Variants in TRMT6 observed in about 807,000 individuals in gnomAD.
TRMT6 encodes the protein tRNA methyltransferase 6 non-catalytic subunit, also known as tRNA (adenine(58)-N(1))-methyltransferase non-catalytic subunit TRM6.
Under a neutral mutation model 59.0 loss-of-function variants are expected in TRMT6, and 34 were observed. The observed-to-expected ratio is 0.58, with a 90% CI of 0.44 to 0.77. The LOEUF (loss-of-function observed/expected upper bound fraction) is 0.77, where lower values mean the gene tolerates loss of function less well. TRMT6 is among the 30% of genes least tolerant of loss of function. The pLI, the probability that TRMT6 is intolerant of heterozygous loss-of-function variation, is 0.00. For missense variants in TRMT6, 575 were observed against 604.5 expected, an observed-to-expected ratio of 0.95 and a Z score of 0.51; for synonymous variants, 217 against 210.5, an observed-to-expected ratio of 1.03 and a Z score of -0.27.
chr20:5,943,590 C>A lies in TRMT6; in HGVS notation c.636G>T (p.Leu212Phe), dbSNP rs374021357. The A allele has an allele frequency of 6.2e-7, 1 of 1,614,090 alleles. No homozygotes were observed. Among genetic ancestry groups the A allele is most frequent in the African/African-American group, 1.3e-5 (1 of 74,920 alleles). The part of the protein sequence containing the change: ...KMIVMETCAG[L>F]VLGAMMERMG... ...TTCGTTCCATCATTGCACCCAGCAC[C>A]AAGCCTGCACACGTTTCCATCACAA... Residue 212 changes from leucine to phenylalanine, a missense_variant, in exon 6 of 11, where the codon TTG becomes TTT. Leu to Phe is a conservative substitution (Grantham distance 22, BLOSUM62 0). Coordinates refer to ENST00000203001, the MANE Select transcript of TRMT6 (RefSeq NM_015939.5).
At position 5,940,911 on chromosome 20, in the gene TRMT6, T is replaced by C. The variant is rs911468619; in HGVS notation, c.1302+142A>G. 12 of 693,464 alleles carry C rather than the reference T, an allele frequency of 1.7e-5. No homozygotes were observed. The African/African-American group carries it at 2.1e-4, about 12-fold the overall frequency. 43.0% of individuals were successfully genotyped at this position (693,464 alleles called of 1,614,324 possible). The stretch of plus-strand genomic sequence containing the variant: ...CCTGGGCTCAAGCGATCTGCCTGCC[T>C]TGGCCTCCCAAAGTGCTGGGATTAC... On this transcript the variant is annotated intron_variant, in intron 10 of 10. Transcript: ENST00000203001.
chr20:5,943,709 A>AT, intron 5 of TRMT6, 26 bp from the exon 6 acceptor site: 1 of 1,604,600 alleles, frequency 6.2e-7, no homozygotes, highest in Non-Finnish European at 8.5e-7. Flanking sequence ...TAATTTGTTC[A>AT]TTTTTAGCTA....
intron 10 of TRMT6, among the ~76,000 whole-genome samples, chr20:5,939,358 G>A (rs1465943698): frequency 6.6e-6 from 1 of 151,980 alleles, no homozygotes; most frequent in Admixed American, 6.5e-5. Context: ...GCACACAGCT[G>A]TAATGCCAGC....
intron 10 of TRMT6, among the ~76,000 whole-genome samples, chr20:5,939,029 C>T (rs567981427): frequency 6.6e-6 from 1 of 151,982 alleles, no homozygotes; most frequent in East Asian, 1.9e-4. Context: ...CCTCGAACTC[C>T]TGGCCTCAAG....
chr20:5,942,358 C>T (rs1568558393), intron 7 of TRMT6, 70 bp downstream of exon 7: 3 of 1,388,914 alleles, frequency 2.2e-6, no homozygotes, highest in South Asian at 2.3e-5. Context: ...CAAACTAAAT[C>T]TCATGACTTA....
chr20:5,948,851 T>C (rs1252237451), intron 1 of TRMT6, among the ~76,000 whole-genome samples: 1 of 152,226 alleles, frequency 6.6e-6, no homozygotes, highest in Non-Finnish European at 1.5e-5. Flanking sequence ...AGCTTAGTGC[T>C]CTGGAGACTT....
rs1242907115 is a variant in TRMT6 at position 5,941,939 on chromosome 20, C to T, written c.1112+12G>A. 1 of 1,610,336 alleles carries T rather than the reference C, an allele frequency of 6.2e-7. No individual in the cohort carries two copies. ...GCACTGAGGAGTCTCCTGCCTTCTT[C>T]CATCAACGCACCCATCTGCGTTTCT... On this transcript the variant is annotated intron_variant, in intron 8 of 10. Transcript: ENST00000203001.
At position 5,943,674 on chromosome 20, in the gene TRMT6, T is replaced by C; in HGVS notation, c.552A>G (p.Arg184=). ...AREPGKINHM[R]YDTLAQMLTL... is the part of the protein sequence containing the mutation. ...TCAACATCTGGGCTAGTGTATCGTATCTCATGTGGCTAAAGTAAAAACAAT... is the reference window on the plus strand; with the variant it reads ...TCAACATCTGGGCTAGTGTATCGTACCTCATGTGGCTAAAGTAAAAACAAT... Residue 184 remains arginine (R), a synonymous_variant, in exon 6 of 11, where the codon AGA becomes AGG. Coordinates refer to ENST00000203001, the MANE Select transcript of TRMT6 (RefSeq NM_015939.5). The C allele has an allele frequency of 6.2e-7, 1 of 1,613,646 alleles. No homozygotes were observed. The highest frequency in any genetic ancestry group is 1.1e-5 in the South Asian group (1 of 90,894).
At position 5,937,606 on chromosome 20, in the gene TRMT6, T is replaced by C. The variant is rs1227925552; in HGVS notation, c.*929A>G. 6.6e-6 allele frequency: 1 copy of C among 152,234 alleles called. No homozygotes were observed. Among genetic ancestry groups the C allele is most frequent in the African/African-American group, 2.4e-5 (1 of 41,472 alleles). 9.4% of individuals were successfully genotyped at this position (152,234 alleles called of 1,614,324 possible). A position where few individuals can be genotyped will look rare whatever the true frequency, so the allele number is the denominator to read the frequency against. ...TTGACAAGGAATGACACTAATACAA[T>C]GAGAATTGGTCTAAGTCCTGCACAA... On this transcript the variant is annotated 3_prime_UTR_variant, in exon 11 of 11. Transcript: ENST00000203001.
intron 1 of TRMT6, among the ~76,000 whole-genome samples, chr20:5,947,460 G>A (rs545861638): frequency 6.6e-5 from 10 of 152,312 alleles, no homozygotes; most frequent in South Asian, 4.1e-4. Context: ...CCGTGTCAGA[G>A]GCTTACCACC....
rs764471292 is a variant in TRMT6 at position 5,943,671 on chromosome 20, G to A, written c.555C>T (p.Tyr185=). The A allele has an allele frequency of 8.1e-6, 13 of 1,613,596 alleles. No homozygotes were observed. The highest frequency in any genetic ancestry group is 5.3e-5 in the African/African-American group (4 of 74,872). ...REPGKINHMR[Y]DTLAQMLTLG... is the part of the protein sequence containing the mutation. ...ACGTCAACATCTGGGCTAGTGTATC[G>A]TATCTCATGTGGCTAAAGTAAAAAC... The change falls in exon 6 of 11, where the codon TAC becomes TAT. Residue 185 remains tyrosine, a synonymous_variant. Transcript: ENST00000203001.
intron 10 of TRMT6, among the ~76,000 whole-genome samples, chr20:5,940,710 CA>C (rs1171810797): frequency 6.6e-6 from 1 of 151,968 alleles, no homozygotes; most frequent in African/African-American, 2.4e-5. Context: ...CCTCGACCTC[CA>C]GGGTTCAAGC....
At chr20:5,947,159 C>T (rs990398728) in intron 1 of TRMT6, among the ~76,000 whole-genome samples, 14 of 152,124 alleles carry the variant, frequency 9.2e-5, no homozygotes, top group African/African-American at 2.7e-4. Context: ...AGTATCTTGT[C>T]CAAGATTCAC....
chr20:5,941,591 A>AT (rs202116636), intron 8 of TRMT6: 1 of 549,468 alleles, frequency 1.8e-6, no homozygotes, highest in African/African-American at 1.9e-5. Flanking sequence ...GACATTCTTG[A>AT]TTTTTTAAAA....
chr20:5,942,891 T>A, intron 6 of TRMT6, 105 bp from the exon 7 acceptor site: 1 of 867,396 alleles, frequency 1.2e-6, no homozygotes, highest in Non-Finnish European at 1.8e-6. Context: ...TTTCTATTAG[T>A]ACTTTATTCA....
chr20:5,949,255 G>A (rs1463742149), intron 1 of TRMT6, among the ~76,000 whole-genome samples: 2 of 152,050 alleles, frequency 1.3e-5, no homozygotes, highest in African/African-American at 4.8e-5. Flanking sequence ...CAGCCACTAG[G>A]GAGGCTGAGG....
At chr20:5,945,279 C>A (rs1300809969) in intron 2 of TRMT6, among the ~76,000 whole-genome samples, 2 of 152,218 alleles carry the variant, frequency 1.3e-5, no homozygotes, top group South Asian at 2.1e-4. Flanking sequence ...CTGGCCTGAT[C>A]TCTTGACACT....
At position 5,943,549 on chromosome 20, in the gene TRMT6, T is replaced by C. The variant is rs1316456202; in HGVS notation, c.667+10A>G. The stretch of plus-strand genomic sequence containing the variant: ...GGGGTTTTGTTGAAAATGGAAATAT[T>C]AAATCTTACCTCCCATTCGTTCCAT... On this transcript the variant is annotated intron_variant, in intron 6 of 10. Transcript: ENST00000203001. 6 of 1,613,692 alleles carry C rather than the reference T, an allele frequency of 3.7e-6. No individual in the cohort carries two copies. Among genetic ancestry groups the C allele is most frequent in the South Asian group, 1.1e-5 (1 of 90,934 alleles).
chr20:5,946,005 G>C (rs1352468117), intron 2 of TRMT6, among the ~76,000 whole-genome samples: 1 of 152,166 alleles, frequency 6.6e-6, no homozygotes, highest in South Asian at 2.1e-4. Context: ...TTGCCCAACG[G>C]TACAAGGCAA....
Sources: gnomAD v4.1 joint callset for allele counts (sites outside exome capture counted in the v4.1 genomes callset) on GRCh38, gnomAD v4.1.1 for gene constraint, MANE v1.5 for transcripts, NCBI Gene and HGNC (gene_info 2026-07-23, HGNC 2026-07-21) for gene names.